Variants in JAKMIP3 observed in about 807,000 individuals in gnomAD.
JAKMIP3 encodes janus kinase and microtubule-interacting protein 3.
Under a neutral mutation model 118.5 loss-of-function variants are expected in JAKMIP3, and 58 were observed. The observed-to-expected ratio is 0.49, with a 90% confidence interval of 0.40 to 0.61. JAKMIP3 has a LOEUF of 0.61. Ranked by LOEUF, JAKMIP3 falls within the 20% of genes least tolerant of loss-of-function variation. The pLI is 0.00. For missense variants in JAKMIP3, 950 were observed against 1,109.0 expected, an observed-to-expected ratio of 0.86 and a Z score of 2.04; for synonymous variants, 486 against 451.2, an observed-to-expected ratio of 1.08 and a Z score of -0.98.
In JAKMIP3 at chr10:132,153,930, G is replaced by A; in HGVS notation, c.2160G>A (p.Gln720=). ...LESEKELFSK[Q]KGYLDEELDY... is the part of the protein sequence containing the mutation. ...TGTTTCAGGAGCTGTTCAGTAAGCAGAAGGGCTACCTGGACGAGGAGCTGG... is the reference window on the plus strand; with the variant it reads ...TGTTTCAGGAGCTGTTCAGTAAGCAAAAGGGCTACCTGGACGAGGAGCTGG... The change falls in exon 19 of 24, where the codon CAG becomes CAA. Residue 720 remains glutamine (Q), a synonymous_variant. Transcript: ENST00000684848. The A allele has an allele frequency of 1.2e-6, 2 of 1,613,160 alleles. No homozygotes were observed. Among genetic ancestry groups the A allele is most frequent in the Non-Finnish European group, 1.7e-6 (2 of 1,179,866 alleles).
chr10:132,081,826 C>T (rs975180990), intron 1 of JAKMIP3, among the ~76,000 whole-genome samples: 6 of 152,044 alleles, frequency 3.9e-5, no homozygotes, highest in East Asian at 1.9e-4. Context: ...GAGAACCACA[C>T]GTCGCTTCCC....
intron 5 of JAKMIP3, among the ~76,000 whole-genome samples, chr10:132,135,658 A>G (rs2051606145): frequency 6.6e-6 from 1 of 152,068 alleles, no homozygotes; most frequent in Admixed American, 6.5e-5. Flanking sequence ...ACCCCCGGGG[A>G]CGCCGAGCCC....
At chr10:132,159,653 C>G (rs1239210146) in intron 19 of JAKMIP3, among the ~76,000 whole-genome samples, 35 of 67,578 alleles carry the variant, frequency 5.2e-4, no homozygotes, top group Admixed American at 6.9e-4. Context: ...GGGGCCTCTC[C>G]CTGTGTGATG....
At chr10:132,174,089 TGTG>T (rs1180910163) in intron 23 of JAKMIP3, among the ~76,000 whole-genome samples, 1 of 151,706 alleles carries the variant, frequency 6.6e-6, no homozygotes, top group Non-Finnish European at 1.5e-5. Context: ...CTGGTGTGCT[TGTG>T]GTGGTGTGTT....
Position 132,180,566 on chromosome 10 carries a change from T to C in JAKMIP3, c.*1104-1791T>C, listed in dbSNP as rs796422311. ...GTGTGCGTGCGTGCATGCGTGTGTGTGCGTGTGTGTGTGCGTGCGCGTGTG... is the reference window on the plus strand; with the variant it reads ...GTGTGCGTGCGTGCATGCGTGTGTGCGCGTGTGTGTGTGCGTGCGCGTGTG... On this transcript the variant is annotated intron_variant, in intron 23 of 23. Coordinates refer to ENST00000684848, the MANE Select transcript of JAKMIP3 (RefSeq NM_001323087.2). Among the ~76,000 whole-genome samples the C allele has an allele frequency of 0.037, 1,159 of 31,684 alleles. 300 individuals are homozygous for C. In the East Asian group the frequency reaches 0.56, roughly 15 times the overall value. 20.8% of individuals were successfully genotyped at this position (31,684 alleles called of 152,430 possible). A position where few individuals can be genotyped will look rare whatever the true frequency, so the allele number is the denominator to read the frequency against.
intron 2 of JAKMIP3, among the ~76,000 whole-genome samples, chr10:132,106,815 GGAA>G (rs1404182713): frequency 6.6e-6 from 1 of 152,198 alleles, no homozygotes; most frequent in African/African-American, 2.4e-5. Flanking sequence ...TTTTGCTGGT[GGAA>G]GAAGAGATGA....
chr10:132,142,078 C>T (rs1321815983), intron 11 of JAKMIP3, 30 bp downstream of exon 11: 3 of 1,568,078 alleles, frequency 1.9e-6, no homozygotes, highest in Non-Finnish European at 2.6e-6. Context: ...CGCGTTCCGG[C>T]CCCCCTCGTG....
chr10:132,151,277 C>T (rs1213375816), intron 16 of JAKMIP3, among the ~76,000 whole-genome samples: 1 of 152,138 alleles, frequency 6.6e-6, no homozygotes. Flanking sequence ...TTTATCCTTC[C>T]ACCTATCCAC....
chr10:132,150,232 C>T (rs1379583446), intron 16 of JAKMIP3, among the ~76,000 whole-genome samples, 191 bp downstream of exon 16: 2 of 151,910 alleles, frequency 1.3e-5, no homozygotes, highest in East Asian at 2.0e-4. Flanking sequence ...CCACTGGGGC[C>T]TCTGCTGTGC....
At chr10:132,084,521 C>T (rs2134269156) in intron 1 of JAKMIP3, among the ~76,000 whole-genome samples, 1 of 152,220 alleles carries the variant, frequency 6.6e-6, no homozygotes, top group East Asian at 1.9e-4. Context: ...GATTTGTATG[C>T]CCTTTATTTC....
At chr10:132,059,494 C>T (rs1177199162) in intron 1 of JAKMIP3, among the ~76,000 whole-genome samples, 3 of 152,290 alleles carry the variant, frequency 2.0e-5, no homozygotes, top group Non-Finnish European at 4.4e-5. Flanking sequence ...GATGACCCAG[C>T]CGCCCTGTGC....
intron 19 of JAKMIP3, among the ~76,000 whole-genome samples, chr10:132,157,124 G>A (rs908109535): frequency 1.3e-5 from 2 of 152,154 alleles, no homozygotes; most frequent in African/African-American, 4.8e-5. Flanking sequence ...AATGTTCACA[G>A]TAGAAAAGGA....
chr10:132,145,999 C>G (rs1405899204), intron 13 of JAKMIP3, among the ~76,000 whole-genome samples: 9 of 152,150 alleles, frequency 5.9e-5, no homozygotes, highest in Non-Finnish European at 8.8e-5. Flanking sequence ...CTGAAGTCCT[C>G]GGGGAAGAGC....
Position 132,103,067 on chromosome 10 carries a change from G to A in JAKMIP3, c.-137-1605G>A, listed in dbSNP as rs112784186. On this transcript the variant is annotated intron_variant, in intron 1 of 23. Transcript: ENST00000684848. The stretch of plus-strand genomic sequence containing the variant: ...TGTGGGGGTGGGGGCTGTGTTCACC[G>A]GGAAAGTTCCCATGTGTGATCTGCC... 4.6e-3 allele frequency among the ~76,000 whole-genome samples: 704 copies of A among 152,018 alleles called. 9 individuals are homozygous for A. Among genetic ancestry groups the A allele is most frequent in the African/African-American group, 0.016 (669 of 41,436 alleles).
At chr10:132,148,474 G>GTCCTCCATCCGCCCT (rs2055125580) in intron 14 of JAKMIP3, among the ~76,000 whole-genome samples, 1 of 95,346 alleles carries the variant, frequency 1.0e-5, no homozygotes, top group Non-Finnish European at 2.4e-5. Context: ...CCATCCGCCC[G>GTCCTCCATCCGCCCT]TCCTCCATCC....
At chr10:132,180,925 A>T (rs2061364908) in intron 23 of JAKMIP3, among the ~76,000 whole-genome samples, 1 of 151,088 alleles carries the variant, frequency 6.6e-6, no homozygotes, top group Non-Finnish European at 1.5e-5. Flanking sequence ...CTGTATGTGT[A>T]TTTTGCATTG....
At chr10:132,083,893 G>A (rs2042075960) in intron 1 of JAKMIP3, among the ~76,000 whole-genome samples, 1 of 152,162 alleles carries the variant, frequency 6.6e-6, no homozygotes. Flanking sequence ...ATTGGTCTAT[G>A]TGCCTGTTTT....
chr10:132,155,046 G>A (rs2056894623), intron 19 of JAKMIP3, among the ~76,000 whole-genome samples: 1 of 136,578 alleles, frequency 7.3e-6, no homozygotes, highest in Non-Finnish European at 1.6e-5. Context: ...CAATGATCAT[G>A]ATGACATGGT....
chr10:132,146,464 G>GC (rs2054627969), intron 13 of JAKMIP3, among the ~76,000 whole-genome samples: 1 of 152,122 alleles, frequency 6.6e-6, no homozygotes, highest in African/African-American at 2.4e-5. Flanking sequence ...GGCGGGGCTG[G>GC]CTACGGGTCC....
Sources: allele counts gnomAD v4.1 joint callset (sites outside exome capture counted in the v4.1 genomes callset), GRCh38; gene constraint gnomAD v4.1.1; transcripts MANE v1.5; gene names NCBI Gene and HGNC (gene_info 2026-07-23, HGNC 2026-07-21).